KRABD3: variants seen among roughly 807,000 people sequenced by gnomAD.
The protein encoded by KRABD3 is KRAB domain containing 3, also known as KRAB domain-containing protein 3.
At chr7:149,728,840 A>G in the KRABD3 span, among the ~76,000 whole-genome samples, 1 of 152,232 alleles carries the variant, frequency 6.6e-6, no homozygotes, top group Non-Finnish European at 1.5e-5. Context: ...TCTGCAGCAC[A>G]CACGTGTAGA....
chr7:149,729,392 G>T, the KRABD3 span: 8 of 1,418,430 alleles, frequency 5.6e-6, no homozygotes, highest in East Asian at 2.2e-4. Flanking sequence ...CCTGCCCTCG[G>T]TACTGACAGC....
chr7:149,721,766 GC>G, the KRABD3 span: 7 of 681,872 alleles, frequency 1.0e-5, no homozygotes, highest in South Asian at 7.5e-5. Flanking sequence ...CTGTCATCCC[GC>G]CCCGATCACT....
At chr7:149,720,093 G>A in the KRABD3 span, 1 of 1,553,540 alleles carries the variant, frequency 6.4e-7, no homozygotes, top group Non-Finnish European at 8.7e-7. Flanking sequence ...ACGCTGATGA[G>A]GGGCAGGAGC....
chr7:149,727,470 G>A, the KRABD3 span, among the ~76,000 whole-genome samples: 1 of 152,150 alleles, frequency 6.6e-6, no homozygotes, highest in African/African-American at 2.4e-5. Flanking sequence ...GAAGCCTTCG[G>A]CACTCCAGCC....
the KRABD3 span, chr7:149,728,533 A>G: frequency 6.2e-7 from 1 of 1,613,416 alleles, no homozygotes; most frequent in Non-Finnish European, 8.5e-7. Context: ...GAAGCCCACC[A>G]GGAAGCTCCC....
chr7:149,729,495 A>T, the KRABD3 span: 1 of 1,263,136 alleles, frequency 7.9e-7, no homozygotes. Flanking sequence ...CAGAGGACAG[A>T]AGCTGGTGCC....
At chr7:149,715,112 A>C in the KRABD3 span, 88 of 1,230,742 alleles carry the variant, frequency 7.2e-5, no homozygotes, top group Non-Finnish European at 8.6e-5. Context: ...TGCGGCCCCG[A>C]AGGCGGTAGG....
chr7:149,721,351 A>C, the KRABD3 span: 1 of 1,559,832 alleles, frequency 6.4e-7, no homozygotes, highest in South Asian at 1.2e-5. Context: ...GCATCTTACC[A>C]GTTGTTGATT....
the KRABD3 span, chr7:149,733,510 C>T: frequency 1.3e-6 from 2 of 1,589,882 alleles, no homozygotes; most frequent in African/African-American, 1.3e-5. Flanking sequence ...GCCAAGCTTC[C>T]TGGATGTGGA....
chr7:149,722,946 G>C, the KRABD3 span: 4 of 1,593,496 alleles, frequency 2.5e-6, no homozygotes, highest in African/African-American at 2.7e-5. Context: ...CTGGGAGCCC[G>C]CCCTGGGCAG....
the KRABD3 span, chr7:149,719,635 C>A: frequency 6.2e-7 from 1 of 1,608,688 alleles, no homozygotes; most frequent in Non-Finnish European, 8.5e-7. This position sits in a 1 kb window ranked among gnomAD's most constrained non-coding sequence, Gnocchi z 5.6. Flanking sequence ...TCTACCGAGA[C>A]GTGATGCGGG....
At chr7:149,727,080 C>T in the KRABD3 span, among the ~76,000 whole-genome samples, 5 of 152,202 alleles carry the variant, frequency 3.3e-5, no homozygotes, top group Admixed American at 3.3e-4. Flanking sequence ...TCACTCCAGT[C>T]GAGTTGCTCC....
chr7:149,723,634 G>A, the KRABD3 span: 1 of 1,178,684 alleles, frequency 8.5e-7, no homozygotes, highest in Non-Finnish European at 1.2e-6. Context: ...CTCATCTTCA[G>A]AGTTGGCCCC....
At chr7:149,717,315 G>C in the KRABD3 span, among the ~76,000 whole-genome samples, 13 of 152,194 alleles carry the variant, frequency 8.5e-5, no homozygotes, top group South Asian at 2.3e-3. Flanking sequence ...CCATCATTTA[G>C]GGAATGGTGG....
the KRABD3 span, chr7:149,722,798 A>C: frequency 1.2e-6 from 2 of 1,606,666 alleles, no homozygotes; most frequent in Non-Finnish European, 1.7e-6. Flanking sequence ...TCTCCTGGGA[A>C]CAGCCCCTTG....
the KRABD3 span, chr7:149,730,259 C>A: frequency 1.9e-5 from 29 of 1,556,282 alleles, no homozygotes; most frequent in African/African-American, 2.7e-5. Context: ...CCAGCCCCAG[C>A]CCCGGCTCCA....
the KRABD3 span, chr7:149,723,965 C>T: frequency 5.3e-6 from 8 of 1,502,890 alleles, no homozygotes; most frequent in South Asian, 1.2e-5. Flanking sequence ...CTGTAGGTGG[C>T]CCCCACCACA....
chr7:149,723,587 C>G, the KRABD3 span: 15 of 743,204 alleles, frequency 2.0e-5, no homozygotes, highest in Non-Finnish European at 3.0e-5. Context: ...TGTGTGGACC[C>G]AGGCACTGGG....
At chr7:149,716,134 G>GC in the KRABD3 span, among the ~76,000 whole-genome samples, 4 of 152,192 alleles carry the variant, frequency 2.6e-5, no homozygotes, top group Non-Finnish European at 5.9e-5. Flanking sequence ...AGGTTGAGAG[G>GC]TCCTGTGGCA....
Sources: allele counts gnomAD v4.1 joint callset (sites outside exome capture counted in the v4.1 genomes callset), GRCh38; gene constraint gnomAD v4.1.1; non-coding constraint Gnocchi (gnomAD v3.1); transcripts MANE v1.5; gene names NCBI Gene and HGNC (gene_info 2026-07-23, HGNC 2026-07-21).